The following CERS6 variants were observed in gnomAD, a reference collection of about 807,000 sequenced individuals.
CERS6 encodes ceramide synthase 6.
In CERS6, 26 loss-of-function variants were observed where a neutral mutation model predicts 56.8. That is an observed-to-expected ratio of 0.46 (90% confidence interval 0.34 to 0.63). The LOEUF is 0.63. Ranked by LOEUF, CERS6 falls within the 30% of genes least tolerant of loss-of-function variation. The pLI is 0.01. For missense variants in CERS6, 415 were observed against 467.5 expected (o/e 0.89, Z 1.04); for synonymous variants, 164 against 173.3 (o/e 0.95, Z 0.42).
chr2:168,705,644 T>C (rs975039724), intron 6 of CERS6, among the ~76,000 whole-genome samples: 2 of 152,116 alleles, frequency 1.3e-5, no homozygotes, highest in African/African-American at 4.8e-5. Context: ...AGCACAAAAT[T>C]GAGTCCCTGG....
chr2:168,595,734 A>G (rs1295684675), intron 3 of CERS6, among the ~76,000 whole-genome samples: 1 of 152,246 alleles, frequency 6.6e-6, no homozygotes. Context: ...ACAGACATCA[A>G]ATAACATCTA....
intron 1 of CERS6, among the ~76,000 whole-genome samples, chr2:168,480,445 A>G (rs1338207161): frequency 6.6e-6 from 1 of 152,202 alleles, no homozygotes; most frequent in Non-Finnish European, 1.5e-5. Flanking sequence ...GAACTTTGAA[A>G]TTATAAAACC....
At position 168,645,089 on chromosome 2, in the gene CERS6, TTAAAAAAAA is replaced by T. The variant is rs1421156605; in HGVS notation, c.465+14048_465+14056del. Among the ~76,000 whole-genome samples, 69 of 10,306 alleles carry T rather than the reference TTAAAAAAAA, an allele frequency of 6.7e-3. 8 individuals carry two copies. Among genetic ancestry groups the T allele is most frequent in the African/African-American group, 0.013 (57 of 4,552 alleles). 6.8% of individuals were successfully genotyped at this position (10,306 alleles called of 152,430 possible). On this transcript the variant is annotated intron_variant, in intron 4 of 9. Transcript: ENST00000305747. Reference sequence around the variant, plus strand: ...CTGGGTGACAGAGCGAGACTGCATCTTAAAAAAAAAAAAAAAAAAAAAAAAAAATATATA... The same window carrying T: ...CTGGGTGACAGAGCGAGACTGCATCTAAAAAAAAAAAAAAAAAAATATATA...
chr2:168,603,822 G>A (rs1231021809), intron 3 of CERS6, among the ~76,000 whole-genome samples: 2 of 152,176 alleles, frequency 1.3e-5, no homozygotes, highest in East Asian at 3.9e-4. Flanking sequence ...GAGCCCCTTG[G>A]TCCTAAAGCC....
At chr2:168,622,459 TAAAAC>T (rs1684495124) in intron 3 of CERS6, among the ~76,000 whole-genome samples, 1 of 151,670 alleles carries the variant, frequency 6.6e-6, no homozygotes, top group African/African-American at 2.4e-5. Flanking sequence ...TTGTTGTGTT[TAAAAC>T]ACTACATATA....
chr2:168,523,571 G>T (rs2105357787), intron 1 of CERS6, among the ~76,000 whole-genome samples: 1 of 152,162 alleles, frequency 6.6e-6, no homozygotes, highest in East Asian at 1.9e-4. Flanking sequence ...GAAAGAGCAA[G>T]CTCTGGCCAT....
Position 168,470,343 on chromosome 2 carries a change from A to G in CERS6, c.170+13725A>G, listed in dbSNP as rs190352371. ...GGCTGCAATGAACTATGATTGCACC[A>G]TAAGAAATGGCTTCTCTGTCTCGCC... On this transcript the variant is annotated intron_variant, in intron 1 of 9. Transcript: ENST00000305747. Among the ~76,000 whole-genome samples the G allele has an allele frequency of 2.6e-3, 391 of 152,244 alleles. 4 individuals carry two copies. Among genetic ancestry groups the G allele is most frequent in the South Asian group, 0.011 (55 of 4,822 alleles).
At chr2:168,614,070 G>A (rs979428920) in intron 3 of CERS6, among the ~76,000 whole-genome samples, 1 of 152,200 alleles carries the variant, frequency 6.6e-6, no homozygotes, top group Non-Finnish European at 1.5e-5. Context: ...AAAAATGTAA[G>A]CATTGACAGA....
In CERS6 at chr2:168,481,619, C is replaced by G. The variant is rs151290087; in HGVS notation, c.170+25001C>G. 5.9e-5 allele frequency among the ~76,000 whole-genome samples: 9 copies of G among 152,324 alleles called. No individual in the cohort carries two copies. In the East Asian group the frequency reaches 1.7e-3, roughly 29 times the overall value. ...TGACCCGTCTTCATTAGCTCCAGAT[C>G]TGAAGCTGGCCTTTAGAATATCATA... On this transcript the variant is annotated intron_variant, in intron 1 of 9. Coordinates refer to ENST00000305747, the MANE Select transcript of CERS6 (RefSeq NM_203463.3).
rs1344277075 is a variant in CERS6, at chr2:168,773,579, A to C, written c.*3917A>C. 6.6e-6 allele frequency: 1 copy of C among 152,238 alleles called. No homozygotes were observed. The highest frequency in any genetic ancestry group is 2.4e-5 in the African/African-American group (1 of 41,462). The allele number at this position is 152,238 out of a possible 1,614,324, so 9.4% of individuals were successfully genotyped here. The stretch of plus-strand genomic sequence containing the variant: ...TAACTTGTATGGAAAGAGAAAATGC[A>C]ATGAGCCCAGTTACTGCACTTGCCA... On this transcript the variant is annotated 3_prime_UTR_variant, in exon 10 of 10. Transcript: ENST00000305747.
chr2:168,490,344 T>A (rs1227685285), intron 1 of CERS6, among the ~76,000 whole-genome samples: 1 of 152,182 alleles, frequency 6.6e-6, no homozygotes, highest in Non-Finnish European at 1.5e-5. Context: ...CTGGGTTTCC[T>A]GGAGTATGAG....
At chr2:168,467,919 G>A (rs1025097683) in intron 1 of CERS6, among the ~76,000 whole-genome samples, 2 of 152,174 alleles carry the variant, frequency 1.3e-5, no homozygotes, top group Non-Finnish European at 2.9e-5. Flanking sequence ...GGAAGCAGTA[G>A]GGCCTGTTTA....
At chr2:168,746,792 T>C (rs935639723) in intron 8 of CERS6, among the ~76,000 whole-genome samples, 5 of 89,996 alleles carry the variant, frequency 5.6e-5, no homozygotes, top group Non-Finnish European at 1.1e-4. Flanking sequence ...TATATATATA[T>C]ATATATATAT....
chr2:168,630,749 T>C (rs1684696594), intron 3 of CERS6, among the ~76,000 whole-genome samples: 1 of 152,144 alleles, frequency 6.6e-6, no homozygotes, highest in African/African-American at 2.4e-5. Flanking sequence ...GGGCAAATAT[T>C]GCAATTAACA....
intron 8 of CERS6, among the ~76,000 whole-genome samples, chr2:168,740,851 G>A (rs1683877118): frequency 6.6e-6 from 1 of 152,188 alleles, no homozygotes; most frequent in African/African-American, 2.4e-5. Context: ...GGAAGCCTAT[G>A]GCAGTTACTG....
At chr2:168,658,391 C>T (rs1368250283) in intron 4 of CERS6, among the ~76,000 whole-genome samples, 1 of 152,186 alleles carries the variant, frequency 6.6e-6, no homozygotes, top group East Asian at 1.9e-4. Flanking sequence ...GAGCACTTGT[C>T]TGAAATACCC....
intron 3 of CERS6, among the ~76,000 whole-genome samples, chr2:168,571,092 C>T (rs1574072685): frequency 6.6e-6 from 1 of 152,140 alleles, no homozygotes; most frequent in East Asian, 1.9e-4. Context: ...ACTTTGCCAT[C>T]AAGAGAATTA....
chr2:168,607,168 TA>T (rs138142399), intron 3 of CERS6, among the ~76,000 whole-genome samples: 4,563 of 152,310 alleles, frequency 0.03, 211 homozygotes, highest in African/African-American at 0.099. Flanking sequence ...AATGGTTATA[TA>T]AACACTTACA....
chr2:168,727,812 T>G (rs570916745), intron 8 of CERS6, among the ~76,000 whole-genome samples: 19 of 152,354 alleles, frequency 1.2e-4, no homozygotes, highest in Admixed American at 9.8e-4. Context: ...TTTGCCTTGG[T>G]GCTGGTCTAT....
Sources: allele counts gnomAD v4.1 joint callset (sites outside exome capture counted in the v4.1 genomes callset), GRCh38; gene constraint gnomAD v4.1.1; transcripts MANE v1.5; gene names NCBI Gene and HGNC (gene_info 2026-07-23, HGNC 2026-07-21).